The following MANSC1 variants were observed in gnomAD, a reference collection of about 807,000 sequenced individuals.
MANSC1 encodes MANSC domain-containing protein 1.
Under a neutral mutation model 14.1 loss-of-function variants are expected in MANSC1, and 13 were observed. The observed-to-expected ratio is 0.92, with a 90% CI of 0.60 to 1.46. The LOEUF (loss-of-function observed/expected upper bound fraction) is 1.46, where lower values mean the gene tolerates loss of function less well. Ranked by LOEUF, MANSC1 falls within the 40% of genes most tolerant of loss-of-function variation. The probability of loss-of-function intolerance (pLI) is 0.00; values close to 1 mark genes in which losing one functional copy is unlikely to be tolerated. For synonymous variants in MANSC1, 227 were observed against 200.7 expected (o/e 1.13, Z -1.11); for missense variants, 486 against 511.4 (o/e 0.95, Z 0.48).
At chr12:12,342,478 A>G (rs1402839905) in intron 2 of MANSC1, among the ~76,000 whole-genome samples, 1 of 150,880 alleles carries the variant, frequency 6.6e-6, no homozygotes, top group Non-Finnish European at 1.5e-5. Context: ...GTTCAAACCT[A>G]TGGGTCTCAG....
At chr12:12,340,898 G>C (rs537557237) in intron 2 of MANSC1, among the ~76,000 whole-genome samples, 9 of 152,228 alleles carry the variant, frequency 5.9e-5, no homozygotes, top group African/African-American at 1.7e-4. Context: ...TAAATTACTT[G>C]CATAAAGTGT....
intron 3 of MANSC1, among the ~76,000 whole-genome samples, chr12:12,337,394 A>G (rs1862872893): frequency 6.6e-6 from 1 of 152,174 alleles, no homozygotes; most frequent in South Asian, 2.1e-4. Flanking sequence ...CATCTCTACT[A>G]AAAGTACAAA....
chr12:12,341,682 G>C (rs75038600), intron 2 of MANSC1, among the ~76,000 whole-genome samples: 2,035 of 152,318 alleles, frequency 0.013, 35 homozygotes, highest in Non-Finnish European at 0.02. Flanking sequence ...CTGGAGTGCA[G>C]TGGTTCGATC....
chr12:12,337,158 C>A (rs1332885115), intron 3 of MANSC1, among the ~76,000 whole-genome samples: 11 of 151,520 alleles, frequency 7.3e-5, no homozygotes, highest in Admixed American at 7.2e-4. Context: ...GTGCCTGTAA[C>A]CCCAGCTACT....
Position 12,328,175 on chromosome 12 carries a change from G to T in MANSC1, c.*1852C>A, listed in dbSNP as rs950858535. The stretch of plus-strand genomic sequence containing the variant: ...CTCTTTGTTACCTCACCTATAACTT[G>T]TCTGGAAAACTTTATTAAAAGCCTT... On this transcript the variant is annotated 3_prime_UTR_variant, in exon 4 of 4. Coordinates refer to ENST00000535902, the MANE Select transcript of MANSC1 (RefSeq NM_018050.4). The T allele has an allele frequency of 2.6e-5, 4 of 152,286 alleles. No individual in the cohort carries two copies. The highest frequency in any genetic ancestry group is 2.6e-4 in the Admixed American group (4 of 15,278). The allele number at this position is 152,286 out of a possible 1,614,324, so 9.4% of individuals were successfully genotyped here.
rs1296088657 is a variant in MANSC1, at chr12:12,338,580, A to G, written c.224-20T>C. On this transcript the variant is annotated intron_variant, in intron 2 of 3. Transcript: ENST00000535902. ...TGTCCCCTGCAATGAAAGGTTTCAT[A>G]AGCATGATTTTGAAATGCGATTTTC... is the stretch of plus-strand genomic sequence containing the variant. The G allele has an allele frequency of 1.2e-6, 2 of 1,607,590 alleles. No individual in the cohort carries two copies. The highest frequency in any genetic ancestry group is 2.2e-5 in the East Asian group (1 of 44,756).
chr12:12,335,045 T>TC (rs1407791528), intron 3 of MANSC1, among the ~76,000 whole-genome samples: 1 of 152,006 alleles, frequency 6.6e-6, no homozygotes, highest in Non-Finnish European at 1.5e-5. Flanking sequence ...TACTCAAGTT[T>TC]CCCCCAGTGC....
At chr12:12,344,615 G>T (rs559513736) in intron 1 of MANSC1, among the ~76,000 whole-genome samples, 1 of 151,488 alleles carries the variant, frequency 6.6e-6, no homozygotes, top group Non-Finnish European at 1.5e-5. Context: ...GACTACAGAC[G>T]CATGCCACCA....
Position 12,330,695 on chromosome 12 carries a change from A to C in MANSC1, c.628T>G (p.Ser210Ala). Residue 210 changes from serine (S) to alanine (A), a missense_variant, in exon 4 of 4, where the codon TCC becomes GCC. Coordinates refer to ENST00000535902, the MANE Select transcript of MANSC1 (RefSeq NM_018050.4). ...EKGHSQSSQF[S>A]SDQEIAHLLP... ...AGATGAGCTATTTCTTGATCAGAGG[A>C]AAATTGTGAACTCTGAGAATGGCCT... The C allele has an allele frequency of 6.2e-7, 1 of 1,614,236 alleles. No individual in the cohort carries two copies. The highest frequency in any genetic ancestry group is 1.1e-5 in the South Asian group (1 of 91,088).
At chr12:12,332,352 C>T (rs1592029485) in intron 3 of MANSC1, among the ~76,000 whole-genome samples, 3 of 152,262 alleles carry the variant, frequency 2.0e-5, no homozygotes, top group Admixed American at 6.5e-5. Flanking sequence ...CATGCCATCT[C>T]GTGACTACTC....
chr12:12,344,527 T>C (rs1282221345), intron 1 of MANSC1, among the ~76,000 whole-genome samples: 2 of 151,154 alleles, frequency 1.3e-5, no homozygotes, highest in East Asian at 3.9e-4. Flanking sequence ...TGGAGTGCAG[T>C]GGCACAATCT....
chr12:12,340,056 T>A (rs1456233139), intron 2 of MANSC1, among the ~76,000 whole-genome samples: 4 of 152,124 alleles, frequency 2.6e-5, no homozygotes, highest in Admixed American at 2.6e-4. Context: ...AAGCAATCCA[T>A]CCCCCTCAAC....
At chr12:12,336,537 T>C (rs1021714641) in intron 3 of MANSC1, among the ~76,000 whole-genome samples, 4 of 152,220 alleles carry the variant, frequency 2.6e-5, no homozygotes, top group African/African-American at 9.6e-5. Flanking sequence ...TTTCCTATTT[T>C]TTTTTTAGAG....
At chr12:12,344,940 T>TATATATATATAC (rs1565806071) in intron 1 of MANSC1, among the ~76,000 whole-genome samples, 11 of 84,972 alleles carry the variant, frequency 1.3e-4, no homozygotes, top group South Asian at 3.8e-4. Flanking sequence ...TATATATATA[T>TATATATATATAC]ATATATATAT....
chr12:12,338,890 A>AAC (rs56183211), intron 2 of MANSC1: 77,511 of 192,578 alleles, frequency 0.4, 16,174 homozygotes, highest in Non-Finnish European at 0.48. Context: ...CACACACACA[A>AAC]ACACACACAC....
Position 12,328,856 on chromosome 12 carries a change from C to G in MANSC1, c.*1171G>C, listed in dbSNP as rs566407960. ...ATAAAAAATTAGCTGGGCGTGTTGG[C>G]GGGCGCCTGTAGTCCCAGCTACTTG... On this transcript the variant is annotated 3_prime_UTR_variant, in exon 4 of 4. Coordinates refer to ENST00000535902, the MANE Select transcript of MANSC1 (RefSeq NM_018050.4). 0.012 allele frequency: 1,812 copies of G among 151,854 alleles called. 13 individuals carry two copies. Among genetic ancestry groups the G allele is most frequent in the Non-Finnish European group, 0.018 (1,233 of 68,016 alleles). The allele number at this position is 151,854 out of a possible 1,614,324, so 9.4% of individuals were successfully genotyped here.
intron 2 of MANSC1, among the ~76,000 whole-genome samples, chr12:12,342,167 T>A (rs574647471): frequency 1.3e-5 from 2 of 152,330 alleles, no homozygotes; most frequent in African/African-American, 4.8e-5. Context: ...GCTCTCAAAC[T>A]CCTGGGCTCA....
At chr12:12,349,374 G>A (rs987313793) in intron 1 of MANSC1, among the ~76,000 whole-genome samples, 1 of 152,204 alleles carries the variant, frequency 6.6e-6, no homozygotes, top group Non-Finnish European at 1.5e-5. Context: ...CCTGAACTAT[G>A]TAAGGAGATG....
At chr12:12,336,475 T>C (rs1274455900) in intron 3 of MANSC1, among the ~76,000 whole-genome samples, 2 of 152,214 alleles carry the variant, frequency 1.3e-5, no homozygotes, top group African/African-American at 4.8e-5. Context: ...TTATTTATTA[T>C]GGTTATTGTC....
Sources: allele counts gnomAD v4.1 joint callset (sites outside exome capture counted in the v4.1 genomes callset), GRCh38; gene constraint gnomAD v4.1.1; transcripts MANE v1.5; gene names NCBI Gene and HGNC (gene_info 2026-07-23, HGNC 2026-07-21).